CACNA2D3: variants seen among roughly 807,000 people sequenced by gnomAD.
CACNA2D3 encodes voltage-dependent calcium channel subunit alpha-2/delta-3.
Under a neutral mutation model 160.6 loss-of-function variants are expected in CACNA2D3, and 60 were observed. That is an observed-to-expected ratio of 0.37 (90% confidence interval 0.30 to 0.46). CACNA2D3 has a LOEUF of 0.46. Among genes scored for constraint, CACNA2D3 ranks in the 20% least tolerant of loss-of-function variants. CACNA2D3 has a pLI of 1.00. For synonymous variants in CACNA2D3, 558 were observed against 492.9 expected, an observed-to-expected ratio of 1.13 and a Z score of -1.75; for missense variants, 1,205 against 1,365.0, an observed-to-expected ratio of 0.88 and a Z score of 1.85.
rs548421139 is a variant in CACNA2D3, at chr3:54,928,035, C to T, written c.2449+28167C>T. On this transcript the variant is annotated intron_variant, in intron 27 of 37. Coordinates refer to ENST00000474759, the MANE Select transcript of CACNA2D3 (RefSeq NM_018398.3). ...ACATTCAGTCTTTCTGAACCCTGCC[C>T]TTGCTTTTCTTCAATGCAGAAAACA... 2.1e-5 allele frequency: 18 copies of T among 868,886 alleles called. No individual in the cohort carries two copies. In the African/African-American group the frequency reaches 2.5e-4, roughly 12 times the overall value. The allele number at this position is 868,886 out of a possible 1,614,324, so 53.8% of individuals were successfully genotyped here.
chr3:55,018,184 T>A, intron 34 of CACNA2D3, 22 bp from the exon 35 acceptor site: 6 of 1,522,848 alleles, frequency 3.9e-6, no homozygotes, highest in Non-Finnish European at 5.5e-6. Flanking sequence ...CTTTACCTTT[T>A]TTTTTCCCAC....
chr3:54,475,809 T>TGTGTGTGTGTGTGTG, intron 4 of CACNA2D3, among the ~76,000 whole-genome samples: 1 of 142,822 alleles, frequency 7.0e-6, no homozygotes, highest in African/African-American at 2.6e-5. Flanking sequence ...TGGTTACCAT[T>TGTGTGTGTGTGTGTG]TGTGTGTGTG....
At position 54,633,889 on chromosome 3, in the gene CACNA2D3, A is replaced by C. The variant is rs539735650; in HGVS notation, c.1053+6013A>C. On this transcript the variant is annotated intron_variant, in intron 10 of 37. Coordinates refer to ENST00000474759, the MANE Select transcript of CACNA2D3 (RefSeq NM_018398.3). ...AAAGCTCCGGAAGGAAACTTATCCC[A>C]GGCACACAGCTGTGTTGCTGAGATG... 328 of 152,350 alleles carry C rather than the reference A, an allele frequency of 2.2e-3. 2 individuals carry two copies. The highest frequency in any genetic ancestry group is 7.3e-3 in the African/African-American group (302 of 41,582). The allele number at this position is 152,350 out of a possible 1,614,324, so 9.4% of individuals were successfully genotyped here. A position where few individuals can be genotyped will look rare whatever the true frequency, so the allele number is the denominator to read the frequency against.
intron 3 of CACNA2D3, among the ~76,000 whole-genome samples, chr3:54,341,608 A>T (rs961687114): frequency 6.6e-6 from 1 of 152,184 alleles, no homozygotes; most frequent in Non-Finnish European, 1.5e-5. Flanking sequence ...TACTGCTACT[A>T]GCGTCCCCTT....
intron 4 of CACNA2D3, among the ~76,000 whole-genome samples, chr3:54,409,507 G>T (rs1355895633): frequency 6.6e-6 from 1 of 152,198 alleles, no homozygotes; most frequent in Admixed American, 6.5e-5. Flanking sequence ...GCGAAAGGAA[G>T]AGTCACATGT....
intron 2 of CACNA2D3, among the ~76,000 whole-genome samples, chr3:54,287,949 C>G (rs944650467): frequency 2.7e-5 from 4 of 150,512 alleles, no homozygotes; most frequent in South Asian, 4.3e-4. Context: ...AAATTTATAG[C>G]ACTAAATGCC....
At chr3:54,474,553 C>G (rs997955439) in intron 4 of CACNA2D3, among the ~76,000 whole-genome samples, 2 of 151,590 alleles carry the variant, frequency 1.3e-5, no homozygotes, top group African/African-American at 4.8e-5. Context: ...ATAATAATAA[C>G]TTTAAAAAGC....
intron 11 of CACNA2D3, among the ~76,000 whole-genome samples, chr3:54,701,827 A>T (rs1399623561): frequency 6.6e-6 from 1 of 152,272 alleles, no homozygotes; most frequent in South Asian, 2.1e-4. Context: ...GAGACATCAC[A>T]CTACATCACA....
chr3:54,288,351 C>T (rs1703088939), intron 2 of CACNA2D3, among the ~76,000 whole-genome samples: 1 of 152,174 alleles, frequency 6.6e-6, no homozygotes. Flanking sequence ...TCGACACATA[C>T]ACCCTCCCAA....
chr3:54,470,801 T>C (rs569620239), intron 4 of CACNA2D3, among the ~76,000 whole-genome samples: 14 of 151,802 alleles, frequency 9.2e-5, no homozygotes, highest in African/African-American at 3.1e-4. Flanking sequence ...CCAACAAAGA[T>C]CAAAAAAGAC....
At chr3:54,555,830 T>G (rs1343490771) in intron 5 of CACNA2D3, among the ~76,000 whole-genome samples, 1 of 152,220 alleles carries the variant, frequency 6.6e-6, no homozygotes, top group Non-Finnish European at 1.5e-5. Context: ...ATTCACTTTA[T>G]TGAGCAGAGT....
At chr3:54,846,115 T>C (rs1361932870) in intron 16 of CACNA2D3, among the ~76,000 whole-genome samples, 1 of 152,216 alleles carries the variant, frequency 6.6e-6, no homozygotes, top group Non-Finnish European at 1.5e-5. Context: ...AAGGTAATTG[T>C]TTTGTTTTAA....
rs147845281 is a variant in CACNA2D3, at chr3:54,707,049, C to G, written c.1168-45550C>G. On this transcript the variant is annotated intron_variant, in intron 11 of 37. Coordinates refer to ENST00000474759, the MANE Select transcript of CACNA2D3 (RefSeq NM_018398.3). ...TTACAAAGGCCTCCTTTACAAAATC[C>G]TTAATCTAAGTAATGCGTAGAAGGC... Among the ~76,000 whole-genome samples the G allele has an allele frequency of 1.5e-3, 221 of 152,258 alleles. 1 individual carries two copies. The highest frequency in any genetic ancestry group is 4.4e-3 in the Admixed American group (68 of 15,296).
At chr3:54,543,161 C>T (rs1366144051) in intron 5 of CACNA2D3, among the ~76,000 whole-genome samples, 18 of 152,172 alleles carry the variant, frequency 1.2e-4, no homozygotes, top group Non-Finnish European at 1.5e-5. Context: ...TTTACTTCTC[C>T]CTACTTGAAA....
intron 2 of CACNA2D3, among the ~76,000 whole-genome samples, chr3:54,202,012 T>C (rs1453385461): frequency 6.6e-6 from 1 of 152,190 alleles, no homozygotes; most frequent in African/African-American, 2.4e-5. Context: ...GAATTTCAGA[T>C]AAATAACACA....
chr3:54,453,488 T>G (rs1335301816), intron 4 of CACNA2D3, among the ~76,000 whole-genome samples: 1 of 144,366 alleles, frequency 6.9e-6, no homozygotes, highest in Non-Finnish European at 1.5e-5. Context: ...TCTCAGGACT[T>G]TCTGCTTCCA....
intron 11 of CACNA2D3, among the ~76,000 whole-genome samples, chr3:54,683,198 A>G (rs1700386170): frequency 6.6e-6 from 1 of 152,196 alleles, no homozygotes; most frequent in African/African-American, 2.4e-5. Flanking sequence ...AAATGCCACC[A>G]TCCTTCTGCA....
At chr3:54,852,777 C>T (rs1199372803) in intron 17 of CACNA2D3, among the ~76,000 whole-genome samples, 1 of 152,130 alleles carries the variant, frequency 6.6e-6, no homozygotes, top group Non-Finnish European at 1.5e-5. Context: ...TGGACATCCC[C>T]CATGGACACA....
chr3:54,249,590 A>ACACACACACACCG (rs1199322613), intron 2 of CACNA2D3, among the ~76,000 whole-genome samples: 1 of 50,770 alleles, frequency 2.0e-5, no homozygotes, highest in African/African-American at 1.0e-4. Context: ...CACACACACC[A>ACACACACACACCG]GGCTACATTT....
Sources: allele counts gnomAD v4.1 joint callset (sites outside exome capture counted in the v4.1 genomes callset), GRCh38; gene constraint gnomAD v4.1.1; transcripts MANE v1.5; gene names NCBI Gene and HGNC (gene_info 2026-07-23, HGNC 2026-07-21).